Variants in TRPC7 observed in about 807,000 individuals in gnomAD.
The protein encoded by TRPC7 is transient receptor potential cation channel subfamily C member 7, also known as short transient receptor potential channel 7.
TRPC7 carries 42 observed loss-of-function variants against 90.1 expected under a neutral mutation model. The ratio of observed to expected loss-of-function variants is 0.47; its 90% CI spans 0.36 to 0.60. TRPC7 has a LOEUF of 0.60. Ranked by LOEUF, TRPC7 falls within the 20% of genes least tolerant of loss-of-function variation. TRPC7 has a pLI of 0.00. For missense variants in TRPC7, 955 were observed against 1,112.3 expected (o/e 0.86, Z 2.01); for synonymous variants, 451 against 436.3 (o/e 1.03, Z -0.42).
At chr5:136,342,931 T>C (rs1759889286) in intron 2 of TRPC7, among the ~76,000 whole-genome samples, 1 of 152,068 alleles carries the variant, frequency 6.6e-6, no homozygotes. Flanking sequence ...TGGAATGGAA[T>C]AGAAAACAAA....
intron 7 of TRPC7, among the ~76,000 whole-genome samples, chr5:136,237,247 CTAGAAG>C (rs1756011580): frequency 1.3e-5 from 2 of 152,154 alleles, no homozygotes; most frequent in Non-Finnish European, 2.9e-5. Flanking sequence ...TTTAGACAGT[CTAGAAG>C]TAGAAGAGTC....
At chr5:136,292,115 C>A (rs1317589172) in intron 3 of TRPC7, among the ~76,000 whole-genome samples, 1 of 152,148 alleles carries the variant, frequency 6.6e-6, no homozygotes, top group Non-Finnish European at 1.5e-5. Flanking sequence ...ACACAGCATA[C>A]CAGAATCTCT....
At chr5:136,280,332 C>T (rs1054608154) in intron 3 of TRPC7, among the ~76,000 whole-genome samples, 4 of 152,138 alleles carry the variant, frequency 2.6e-5, no homozygotes, top group African/African-American at 7.2e-5. Flanking sequence ...CTCTTGTGAC[C>T]ACATTTGATC....
chr5:136,338,330 A>C (rs1759732018), intron 2 of TRPC7, among the ~76,000 whole-genome samples: 1 of 152,228 alleles, frequency 6.6e-6, no homozygotes, highest in African/African-American at 2.4e-5. Context: ...AGAAAAAGGC[A>C]TATAATTTTA....
chr5:136,328,053 T>C (rs983012619), intron 2 of TRPC7, among the ~76,000 whole-genome samples: 4 of 152,222 alleles, frequency 2.6e-5, no homozygotes, highest in African/African-American at 9.6e-5. Flanking sequence ...AATTGTTTCA[T>C]TAACCTTCAC....
At chr5:136,238,089 T>C (rs963941857) in intron 7 of TRPC7, among the ~76,000 whole-genome samples, 1 of 152,216 alleles carries the variant, frequency 6.6e-6, no homozygotes, top group Non-Finnish European at 1.5e-5. Flanking sequence ...CCTCTCTCTC[T>C]GTACCTGGCT....
At chr5:136,256,978 A>G (rs1449403150) in intron 5 of TRPC7, among the ~76,000 whole-genome samples, 1 of 152,106 alleles carries the variant, frequency 6.6e-6, no homozygotes, top group Non-Finnish European at 1.5e-5. Flanking sequence ...GGTGTCATAG[A>G]TGATGCTGGG....
At chr5:136,223,001 G>A (rs998043088) in intron 10 of TRPC7, among the ~76,000 whole-genome samples, 5 of 152,238 alleles carry the variant, frequency 3.3e-5, no homozygotes, top group African/African-American at 9.6e-5. Context: ...GACTCAGGAC[G>A]ATGCCACACA....
At chr5:136,341,238 G>A (rs1421223178) in intron 2 of TRPC7, among the ~76,000 whole-genome samples, 2 of 152,006 alleles carry the variant, frequency 1.3e-5, no homozygotes, top group Non-Finnish European at 2.9e-5. Context: ...TTCATCAATA[G>A]GGAAATGATA....
intron 2 of TRPC7, among the ~76,000 whole-genome samples, chr5:136,329,401 C>T (rs949739966): frequency 6.6e-6 from 1 of 152,154 alleles, no homozygotes; most frequent in Admixed American, 6.6e-5. Flanking sequence ...ATACAAGTAG[C>T]CAGATGAGGA....
intron 3 of TRPC7, among the ~76,000 whole-genome samples, chr5:136,300,152 T>C (rs954537423): frequency 9.2e-5 from 14 of 152,268 alleles, no homozygotes; most frequent in African/African-American, 3.4e-4. Flanking sequence ...TGTCCTGTCA[T>C]GACAACTCTT....
At chr5:136,319,627 C>T (rs958820390) in intron 2 of TRPC7, among the ~76,000 whole-genome samples, 1 of 152,136 alleles carries the variant, frequency 6.6e-6, no homozygotes, top group Non-Finnish European at 1.5e-5. Flanking sequence ...GCTTTCCTCT[C>T]CACTGACTAC....
At chr5:136,316,015 G>A in intron 2 of TRPC7, 1 of 520,196 alleles carries the variant, frequency 1.9e-6, no homozygotes, top group Non-Finnish European at 3.4e-6. Flanking sequence ...TGGTCCATGG[G>A]CCACCTGCAT....
At chr5:136,306,284 C>T (rs1423291018) in intron 3 of TRPC7, among the ~76,000 whole-genome samples, 1 of 151,988 alleles carries the variant, frequency 6.6e-6, no homozygotes, top group Non-Finnish European at 1.5e-5. Flanking sequence ...TAGACCTTTT[C>T]CATTTAGTTT....
At chr5:136,329,729 G>A (rs3756693) in intron 2 of TRPC7, among the ~76,000 whole-genome samples, 134,908 of 152,196 alleles carry the variant, frequency 0.89, 59,803 homozygotes, top group East Asian at 0.92. Context: ...ATAAATAGGC[G>A]TGGATATGCT....
chr5:136,255,975 A>T (rs1287698630), intron 5 of TRPC7, among the ~76,000 whole-genome samples: 2 of 152,246 alleles, frequency 1.3e-5, no homozygotes, highest in Admixed American at 1.3e-4. Flanking sequence ...ATTTTATGTC[A>T]TCAAAGAGTC....
intron 3 of TRPC7, among the ~76,000 whole-genome samples, chr5:136,290,321 G>T (rs752293788): frequency 6.6e-6 from 1 of 152,170 alleles, no homozygotes; most frequent in Non-Finnish European, 1.5e-5. Flanking sequence ...AGAGAAGAAG[G>T]CTTCAGAAGA....
At chr5:136,333,755 G>A (rs540107243) in intron 2 of TRPC7, among the ~76,000 whole-genome samples, 1 of 152,328 alleles carries the variant, frequency 6.6e-6, no homozygotes, top group Non-Finnish European at 1.5e-5. Context: ...AGCTCAATAT[G>A]TGGCATGCTT....
chr5:136,233,300 T>A (rs1378321454), intron 7 of TRPC7, among the ~76,000 whole-genome samples: 1 of 152,212 alleles, frequency 6.6e-6, no homozygotes, highest in East Asian at 1.9e-4. Flanking sequence ...GACAGGGTAT[T>A]AAGCCATTAT....
Sources: allele counts gnomAD v4.1 joint callset (sites outside exome capture counted in the v4.1 genomes callset), GRCh38; gene constraint gnomAD v4.1.1; transcripts MANE v1.5; gene names NCBI Gene and HGNC (gene_info 2026-07-23, HGNC 2026-07-21).